Variants in ALKBH8 observed in about 807,000 individuals in gnomAD.
ALKBH8 encodes the protein alkB homolog 8, tRNA methyltransferase.
A neutral mutation model predicts 59.8 loss-of-function variants in ALKBH8; 36 were observed. That is an observed-to-expected ratio of 0.60 (90% CI 0.46 to 0.79). ALKBH8 has a LOEUF of 0.79. Ranked by LOEUF, ALKBH8 falls within the 30% of genes least tolerant of loss-of-function variation. The pLI, the probability that ALKBH8 is intolerant of heterozygous loss-of-function variation, is 0.00. For synonymous variants in ALKBH8, 276 were observed against 273.6 expected (o/e 1.01, Z -0.09); for missense variants, 768 against 801.0 (o/e 0.96, Z 0.50).
In ALKBH8 at chr11:107,510,938, C is replaced by T. The variant is rs543737082; in HGVS notation, c.1386G>A (p.Gly462=). The T allele has an allele frequency of 2.4e-4, 377 of 1,551,754 alleles. 4 individuals are homozygous for T. The South Asian group carries it at 4.3e-3, about 18-fold the overall frequency. Residue 462 remains glycine, a synonymous_variant, in exon 11 of 12, where the codon GGG becomes GGA. Coordinates refer to ENST00000428149, the MANE Select transcript of ALKBH8 (RefSeq NM_138775.3). ...CDALAVPVRS[G]SCDACISIAV... is the part of the protein sequence containing the mutation. ...CAATGGAGATGCAGGCATCACAAGA[C>T]CCACTGCGGACTGGTACTGCCAATG...
At position 107,505,229 on chromosome 11, in the gene ALKBH8, A is replaced by G. The variant is rs1565308830; in HGVS notation, c.1438-14T>C. On this transcript the variant is annotated splice_polypyrimidine_tract_variant and intron_variant, in intron 11 of 11. Coordinates refer to ENST00000428149, the MANE Select transcript of ALKBH8 (RefSeq NM_138775.3). The stretch of plus-strand genomic sequence containing the variant: ...CACTCTACGCTCCTAATGAAAAAAA[A>G]CAAAACACATGATCAACCTGGAAGA... The G allele has an allele frequency of 1.3e-6, 2 of 1,507,968 alleles. No homozygotes were observed. The highest frequency in any genetic ancestry group is 1.8e-6 in the Non-Finnish European group (2 of 1,127,308). 93.4% of individuals were successfully genotyped at this position (1,507,968 alleles called of 1,614,324 possible).
At chr11:107,507,552 T>C (rs1005242583) in intron 11 of ALKBH8, among the ~76,000 whole-genome samples, 1 of 152,240 alleles carries the variant, frequency 6.6e-6, no homozygotes, top group Non-Finnish European at 1.5e-5. Context: ...GCTCTTATTA[T>C]GTATAAGACA....
chr11:107,504,617 T>G lies in ALKBH8; in HGVS notation c.*41A>C. 1 of 1,525,354 alleles carries G rather than the reference T, an allele frequency of 6.6e-7. No homozygotes were observed. Among genetic ancestry groups the G allele is most frequent in the Non-Finnish European group, 8.8e-7 (1 of 1,131,236 alleles). The allele number at this position is 1,525,354 out of a possible 1,614,324, so 94.5% of individuals were successfully genotyped here. A position where few individuals can be genotyped will look rare whatever the true frequency, so the allele number is the denominator to read the frequency against. ...AATTTATTCTCTCTTTTTTTTTAAG[T>G]GAGCATTTCTTCTTTATATATGATG... On this transcript the variant is annotated 3_prime_UTR_variant, in exon 12 of 12. Transcript: ENST00000428149.
intron 2 of ALKBH8, 122 bp from the exon 3 acceptor site, chr11:107,557,125 T>C (rs1025827348): frequency 1.5e-5 from 11 of 721,578 alleles, no homozygotes; most frequent in African/African-American, 1.3e-4. Flanking sequence ...CATTTCCTTG[T>C]AGTGGTTGTT....
chr11:107,539,495 A>G lies in ALKBH8; in HGVS notation c.772-7089T>C, dbSNP rs555043778. On this transcript the variant is annotated intron_variant, in intron 7 of 11. Coordinates refer to ENST00000428149, the MANE Select transcript of ALKBH8 (RefSeq NM_138775.3). ...GCGTCTATAGTCCCAGCTACTTGGG[A>G]GGCTGAGGCAAGAGAATCACTTGAA... Among the ~76,000 whole-genome samples the G allele has an allele frequency of 3.9e-5, 6 of 152,134 alleles. No homozygotes were observed. The South Asian group carries it at 1.3e-3, about 32-fold the overall frequency.
intron 2 of ALKBH8, among the ~76,000 whole-genome samples, chr11:107,560,352 G>A (rs1325125740): frequency 6.6e-6 from 1 of 152,138 alleles, no homozygotes. Flanking sequence ...GCTGTAGTAG[G>A]ATATGGAAGA....
chr11:107,504,947 T>C lies in ALKBH8; in HGVS notation c.1706A>G (p.Asn569Ser), dbSNP rs1862314787. ...RINDSQEGGC[N>S]SRQVSNSKLP... ...CTTGGAATTAGAAACTTGCCTTGAA[T>C]TACATCCTCCTTCCTGAGAGTCATT... is the stretch of plus-strand genomic sequence containing the variant. The change falls in exon 12 of 12, where the codon AAT (asparagine) becomes AGT (serine). Residue 569 changes from asparagine to serine, a missense_variant. Coordinates refer to ENST00000428149, the MANE Select transcript of ALKBH8 (RefSeq NM_138775.3). 6.4e-7 allele frequency: 1 copy of C among 1,551,884 alleles called. No individual in the cohort carries two copies. The highest frequency in any genetic ancestry group is 8.7e-7 in the Non-Finnish European group (1 of 1,146,980).
At position 107,565,374 on chromosome 11, in the gene ALKBH8, G is replaced by A. The variant is rs148682898; in HGVS notation, c.-7+227C>T. 2.0e-3 allele frequency: 1,229 copies of A among 602,916 alleles called. 1 individual carries two copies. Among genetic ancestry groups the A allele is most frequent in the Non-Finnish European group, 3.0e-3 (1,018 of 343,034 alleles). 37.3% of individuals were successfully genotyped at this position (602,916 alleles called of 1,614,324 possible). A position where few individuals can be genotyped will look rare whatever the true frequency, so the allele number is the denominator to read the frequency against. On this transcript the variant is annotated intron_variant, in intron 1 of 11. Transcript: ENST00000428149. ...AACAGAAGATTGACACAGGCACCAC[G>A]TGAGCGCCCGAACCAAACACAAACA...
intron 9 of ALKBH8, among the ~76,000 whole-genome samples, chr11:107,523,555 T>A (rs1863219659): frequency 6.6e-6 from 1 of 151,872 alleles, no homozygotes; most frequent in South Asian, 2.1e-4. Context: ...GTGACTATAG[T>A]TAATAATAAT....
chr11:107,553,648 T>C lies in ALKBH8; in HGVS notation c.499+199A>G, dbSNP rs1864585292. ...TAAATGTTGGATAATACTAATCAGTTTGGAGTTAAAATTTGATAGCTATAT... is the reference window on the plus strand; with the variant it reads ...TAAATGTTGGATAATACTAATCAGTCTGGAGTTAAAATTTGATAGCTATAT... On this transcript the variant is annotated intron_variant, in intron 4 of 11. Transcript: ENST00000428149. 1.3e-5 allele frequency among the ~76,000 whole-genome samples: 2 copies of C among 152,104 alleles called. 1 individual carries two copies. Among genetic ancestry groups the C allele is most frequent in the South Asian group, 4.1e-4 (2 of 4,828 alleles).
chr11:107,527,629 C>A (rs1359931771), intron 8 of ALKBH8, among the ~76,000 whole-genome samples: 1 of 151,884 alleles, frequency 6.6e-6, no homozygotes, highest in Non-Finnish European at 1.5e-5. Context: ...TTTTAAATAG[C>A]ATTTTTATTT....
At chr11:107,524,695 T>C in intron 9 of ALKBH8, among the ~76,000 whole-genome samples, 1 of 152,212 alleles carries the variant, frequency 6.6e-6, no homozygotes, top group Non-Finnish European at 1.5e-5. Flanking sequence ...ATTTCAAGTT[T>C]TCTAAAAGCA....
At chr11:107,521,791 C>A (rs1863122174) in intron 10 of ALKBH8, among the ~76,000 whole-genome samples, 1 of 152,046 alleles carries the variant, frequency 6.6e-6, no homozygotes, top group African/African-American at 2.4e-5. Context: ...CTTTCCTCAA[C>A]AGTAAGATAC....
At chr11:107,506,363 A>C (rs1214048334) in intron 11 of ALKBH8, among the ~76,000 whole-genome samples, 2 of 152,080 alleles carry the variant, frequency 1.3e-5, no homozygotes, top group Non-Finnish European at 2.9e-5. Flanking sequence ...ACAGTGAAAA[A>C]TTATGAAGTA....
intron 8 of ALKBH8, among the ~76,000 whole-genome samples, chr11:107,531,624 G>T (rs944351218): frequency 2.0e-5 from 3 of 152,196 alleles, no homozygotes; most frequent in Admixed American, 6.5e-5. Flanking sequence ...AATATGGATT[G>T]TATAAGAGTA....
intron 11 of ALKBH8, among the ~76,000 whole-genome samples, chr11:107,508,506 G>GT (rs1217379227): frequency 2.6e-5 from 4 of 152,150 alleles, no homozygotes; most frequent in African/African-American, 9.7e-5. Context: ...TAAAATATAT[G>GT]TAACAAAATT....
At chr11:107,531,143 G>T (rs1441957778) in intron 8 of ALKBH8, among the ~76,000 whole-genome samples, 1 of 151,708 alleles carries the variant, frequency 6.6e-6, no homozygotes. Flanking sequence ...TTAAGCCCCA[G>T]TGCACAAAAT....
intron 8 of ALKBH8, among the ~76,000 whole-genome samples, chr11:107,530,604 C>CACACACAG (rs1863552157): frequency 1.0e-4 from 1 of 9,656 alleles, no homozygotes; most frequent in East Asian, 1.5e-3. Flanking sequence ...CTTCCTAACA[C>CACACACAG]ACACACACAC....
intron 10 of ALKBH8, among the ~76,000 whole-genome samples, chr11:107,519,506 GAAAT>G (rs1352862356): frequency 6.6e-6 from 1 of 152,128 alleles, no homozygotes; most frequent in African/African-American, 2.4e-5. Flanking sequence ...AAAGTGCAGA[GAAAT>G]AAACAGAGGC....
Sources: gnomAD v4.1 joint callset for allele counts (sites outside exome capture counted in the v4.1 genomes callset) on GRCh38, gnomAD v4.1.1 for gene constraint, MANE v1.5 for transcripts, NCBI Gene and HGNC (gene_info 2026-07-23, HGNC 2026-07-21) for gene names.